The following SPTB variants were observed in gnomAD, a reference collection of about 807,000 sequenced individuals.
SPTB encodes spectrin beta, erythrocytic.
A neutral mutation model predicts 256.2 loss-of-function variants in SPTB; 45 were observed. The ratio of observed to expected loss-of-function variants is 0.18; its 90% CI spans 0.14 to 0.23. The LOEUF (loss-of-function observed/expected upper bound fraction) is 0.23. SPTB is among the 10% of genes least tolerant of loss of function. The pLI is 1.00. For missense variants in SPTB, 2,715 were observed against 3,040.4 expected (o/e 0.89, Z 2.52); for synonymous variants, 1,231 against 1,243.1 (o/e 0.99, Z 0.21).
Position 64,796,406 on chromosome 14 carries a change from T to C in SPTB, c.1341+151A>G. ...AAATCCTGGAGAGCTCCTCCCCAGA[T>C]GCAAATCTTGATCCACTGGATCACG... On this transcript the variant is annotated intron_variant, in intron 11 of 35. Coordinates refer to ENST00000644917, the MANE Select transcript of SPTB (RefSeq NM_001355436.2). This position sits in a 1 kb window ranked among gnomAD's most constrained non-coding sequence, Gnocchi z 4.1. 1 of 1,021,242 alleles carries C rather than the reference T, an allele frequency of 9.8e-7. No homozygotes were observed. The allele number at this position is 1,021,242 out of a possible 1,614,324, so 63.3% of individuals were successfully genotyped here.
At chr14:64,804,802 A>G (rs2082951145) in intron 3 of SPTB, 137 bp downstream of exon 3, 1 of 1,153,860 alleles carries the variant, frequency 8.7e-7, no homozygotes, top group African/African-American at 1.5e-5. Flanking sequence ...GATGCTTCCC[A>G]TTCTAAGTAT....
At chr14:64,835,560 G>C (rs1281130466) in intron 1 of SPTB, among the ~76,000 whole-genome samples, 1 of 152,140 alleles carries the variant, frequency 6.6e-6, no homozygotes, top group Non-Finnish European at 1.5e-5. Context: ...GTCAGTTCTT[G>C]GTATGCACAA....
intron 28 of SPTB, 103 bp downstream of exon 28, chr14:64,769,487 C>T (rs2082245312): frequency 1.3e-6 from 2 of 1,484,114 alleles, no homozygotes; most frequent in Non-Finnish European, 1.8e-6. Flanking sequence ...AGACAAGCTC[C>T]TCAGAAAAGC....
At position 64,866,141 on chromosome 14, in the gene SPTB, G is replaced by A. The variant is rs553517625; in HGVS notation, c.-52+13651C>T. Among the ~76,000 whole-genome samples the A allele has an allele frequency of 5.3e-5, 8 of 152,338 alleles. No individual in the cohort carries two copies. The South Asian group carries it at 1.7e-3, about 32-fold the overall frequency. The stretch of plus-strand genomic sequence containing the variant: ...GAGCATGCAGTGAGGCCACTAACTA[G>A]TAGTCAGCCTACTGGTGACCTTCAC... On this transcript the variant is annotated intron_variant, in intron 1 of 35. Transcript: ENST00000644917. The surrounding 1 kb of genome is among the most constrained non-coding windows in gnomAD (Gnocchi z 4.6).
intron 19 of SPTB, among the ~76,000 whole-genome samples, chr14:64,784,013 C>A (rs1175524472): frequency 2.6e-5 from 4 of 152,236 alleles, no homozygotes; most frequent in Non-Finnish European, 4.4e-5. Flanking sequence ...TCCTCAGTGT[C>A]CTGGGCTGTC....
chr14:64,774,629 A>C (rs112905983), intron 23 of SPTB, 102 bp from the exon 24 acceptor site: 13 of 1,515,634 alleles, frequency 8.6e-6, no homozygotes, highest in African/African-American at 8.3e-5. Flanking sequence ...GGAGGAGGGG[A>C]GTAGGCTTGT....
chr14:64,812,234 C>A (rs953539566), intron 2 of SPTB, among the ~76,000 whole-genome samples: 3 of 152,216 alleles, frequency 2.0e-5, no homozygotes, highest in African/African-American at 7.2e-5. Context: ...CAGGCGTGAG[C>A]CAACGCGCCC....
rs1316509818 is a variant in SPTB, at chr14:64,796,507, G to T, written c.1341+50C>A. On this transcript the variant is annotated intron_variant, in intron 11 of 35. Transcript: ENST00000644917. The surrounding 1 kb of genome is among the most constrained non-coding windows in gnomAD (Gnocchi z 4.1). ...ACTCCAGCCCAGCCAAGAGCTGGGG[G>T]CTCTGAAGAATGTCCCCTCTCCTGT... 1.2e-6 allele frequency: 2 copies of T among 1,612,748 alleles called. No individual in the cohort carries two copies. The highest frequency in any genetic ancestry group is 2.2e-5 in the East Asian group (1 of 44,876).
In SPTB at chr14:64,760,320, G is replaced by A. The variant is rs757245425; in HGVS notation, c.6345+6406C>T. Among the ~76,000 whole-genome samples the A allele has an allele frequency of 9.9e-5, 15 of 152,158 alleles. No individual in the cohort carries two copies. Among genetic ancestry groups the A allele is most frequent in the Non-Finnish European group, 1.9e-4 (13 of 68,020 alleles). The stretch of plus-strand genomic sequence containing the variant: ...GGCCAGGTGGGTAAATGTCTTCTCC[G>A]GGCCAAAGGAGGTGAAGGTGTATGT... On this transcript the variant is annotated intron_variant, in intron 32 of 35. Transcript: ENST00000644917. The surrounding 1 kb of genome is among the most constrained non-coding windows in gnomAD (Gnocchi z 4.3).
chr14:64,857,640 A>C (rs896738535), intron 1 of SPTB, among the ~76,000 whole-genome samples: 1 of 151,812 alleles, frequency 6.6e-6, no homozygotes, highest in Non-Finnish European at 1.5e-5. Flanking sequence ...GTGAATGGGA[A>C]CAGCTATTCT....
intron 32 of SPTB, among the ~76,000 whole-genome samples, chr14:64,762,633 G>GC (rs2082110630): frequency 6.6e-6 from 1 of 151,964 alleles, no homozygotes; most frequent in African/African-American, 2.4e-5. Flanking sequence ...CCTACGTTCA[G>GC]CCCTAGCGAG....
rs1185438624 is a variant in SPTB at position 64,760,482 on chromosome 14, T to C, written c.6345+6244A>G. 6.6e-6 allele frequency among the ~76,000 whole-genome samples: 1 copy of C among 152,044 alleles called. No individual in the cohort carries two copies. Among genetic ancestry groups the C allele is most frequent in the African/African-American group, 2.4e-5 (1 of 41,404 alleles). ...AAGATGCTCAGAGAACCCGGATGCA[T>C]TTACAAGCAAAGAACACAGGCGACA... On this transcript the variant is annotated intron_variant, in intron 32 of 35. Transcript: ENST00000644917. This position sits in a 1 kb window ranked among gnomAD's most constrained non-coding sequence, Gnocchi z 4.3.
Position 64,772,145 on chromosome 14 carries a change from C to T in SPTB, c.5553+435G>A, listed in dbSNP as rs1379593333. Among the ~76,000 whole-genome samples the T allele has an allele frequency of 1.3e-5, 2 of 152,144 alleles. No individual in the cohort carries two copies. The highest frequency in any genetic ancestry group is 2.4e-5 in the African/African-American group (1 of 41,416). ...CAGGGTCTGAGCCCTGGCTCCACTT[C>T]GTACCTACATGTTCCTGGGAAACTT... On this transcript the variant is annotated intron_variant, in intron 26 of 35. Transcript: ENST00000644917. The surrounding 1 kb of genome is among the most constrained non-coding windows in gnomAD (Gnocchi z 5.4).
chr14:64,860,928 T>C (rs1048772676), intron 1 of SPTB, among the ~76,000 whole-genome samples: 4 of 152,330 alleles, frequency 2.6e-5, no homozygotes, highest in Non-Finnish European at 4.4e-5. Context: ...TGTATGTTTA[T>C]TGCAGCACTA....
At chr14:64,848,679 T>C (rs1426309296) in intron 1 of SPTB, among the ~76,000 whole-genome samples, 1 of 152,240 alleles carries the variant, frequency 6.6e-6, no homozygotes, top group African/African-American at 2.4e-5. Flanking sequence ...GAGAGTCCAA[T>C]AGCTTTTACC....
chr14:64,866,629 A>G lies in SPTB; in HGVS notation c.-52+13163T>C, dbSNP rs144946723. ...CAGTGGGAGTGCATCCATGACAGAG[A>G]GTTTTGTTGAAAGGAACAAAACATG... is the stretch of plus-strand genomic sequence containing the variant. On this transcript the variant is annotated intron_variant, in intron 1 of 35. Transcript: ENST00000644917. This position sits in a 1 kb window ranked among gnomAD's most constrained non-coding sequence, Gnocchi z 4.6. 2.0e-5 allele frequency among the ~76,000 whole-genome samples: 3 copies of G among 152,270 alleles called. No individual in the cohort carries two copies. The highest frequency in any genetic ancestry group is 7.2e-5 in the African/African-American group (3 of 41,546).
intron 1 of SPTB, among the ~76,000 whole-genome samples, chr14:64,862,944 T>C (rs1481585182): frequency 1.3e-5 from 2 of 152,170 alleles, no homozygotes; most frequent in Non-Finnish European, 2.9e-5. Context: ...GTCCTTTATG[T>C]GGTAGGGCCT....
In SPTB at chr14:64,782,313, T is replaced by A. The variant is rs1460335603; in HGVS notation, c.4243A>T (p.Asn1415Tyr). 9 of 1,614,214 alleles carry A rather than the reference T, an allele frequency of 5.6e-6. No individual in the cohort carries two copies. Among genetic ancestry groups the A allele is most frequent in the Non-Finnish European group, 7.6e-6 (9 of 1,180,044 alleles). The change falls in exon 20 of 36, where the codon AAT becomes TAT. Residue 1415 changes from asparagine to tyrosine, a missense_variant. By Grantham distance (143) the Asn-to-Tyr change is moderately radical (BLOSUM62 -2). Around this residue, in one of 4 missense-constraint regions of SPTB, gnomAD observed 2,239 missense variants for 2,384.4 expected, o/e 0.94. Transcript: ENST00000644917. Reference sequence around the variant, plus strand: ...GCCTTCAGCTTAGCCAACATCCGATTGACACTGGTCAGGTCCTTGCCCGGG... The same window carrying A: ...GCCTTCAGCTTAGCCAACATCCGATAGACACTGGTCAGGTCCTTGCCCGGG... The part of the protein sequence containing the change: ...DDPGKDLTSV[N>Y]RMLAKLKRVE...
chr14:64,871,449 G>T (rs1594861898), intron 1 of SPTB, among the ~76,000 whole-genome samples: 1 of 152,234 alleles, frequency 6.6e-6, no homozygotes, highest in South Asian at 2.1e-4. Context: ...ACCCAGAGAA[G>T]AACCACTGGT....
Sources: gnomAD v4.1 joint callset for allele counts (sites outside exome capture counted in the v4.1 genomes callset) on GRCh38, gnomAD v4.1.1 for gene constraint, gnomAD v4.1.1 regional missense constraint, Gnocchi (gnomAD v3.1) non-coding constraint, MANE v1.5 for transcripts, NCBI Gene and HGNC (gene_info 2026-07-23, HGNC 2026-07-21) for gene names.